The following SLC5A10 variants were observed in gnomAD, a reference collection of about 807,000 sequenced individuals.
SLC5A10 encodes the protein sodium/mannose cotransporter SLC5A10.
In SLC5A10, 55 loss-of-function variants were observed where a neutral mutation model predicts 68.9. That is an observed-to-expected ratio of 0.80 (90% confidence interval 0.64 to 1.00). The LOEUF is 1.00. Among genes scored for constraint, SLC5A10 ranks in the 50% least tolerant of loss-of-function variants. SLC5A10 has a pLI of 0.00. For synonymous variants in SLC5A10, 344 were observed against 344.8 expected, an observed-to-expected ratio of 1.00 and a Z score of 0.02; for missense variants, 732 against 819.3, an observed-to-expected ratio of 0.89 and a Z score of 1.30.
intron 9 of SLC5A10, among the ~76,000 whole-genome samples, chr17:18,994,818 A>T (rs8082572): frequency 0.016 from 2,502 of 152,326 alleles, 64 homozygotes; most frequent in African/African-American, 0.056. Context: ...CAACTACTCA[A>T]ATCTGCTGGT....
At chr17:19,008,191 AT>A (rs898920274) in intron 9 of SLC5A10, among the ~76,000 whole-genome samples, 1 of 152,146 alleles carries the variant, frequency 6.6e-6, no homozygotes, top group Non-Finnish European at 1.5e-5. Context: ...AGGGAATTGC[AT>A]TTTTGGAATA....
intron 3 of SLC5A10, 21 bp from the exon 4 acceptor site, chr17:18,959,583 C>T: frequency 6.2e-7 from 1 of 1,613,206 alleles, no homozygotes; most frequent in Non-Finnish European, 8.5e-7. Context: ...CTGCAGTCCT[C>T]ACCTGTCTCT....
At chr17:18,983,023 G>C (rs1474393351) in intron 9 of SLC5A10, among the ~76,000 whole-genome samples, 2 of 152,250 alleles carry the variant, frequency 1.3e-5, no homozygotes, top group African/African-American at 4.8e-5. Flanking sequence ...TGGAAGTGGC[G>C]CAGTGGGCTG....
intron 1 of SLC5A10, 171 bp downstream of exon 1, chr17:18,952,487 C>A: frequency 2.7e-6 from 2 of 739,400 alleles, no homozygotes; most frequent in East Asian, 5.8e-5. Flanking sequence ...AGACCTTGAC[C>A]AAGCCCGTTT....
chr17:18,994,396 G>A (rs149822990), intron 9 of SLC5A10, among the ~76,000 whole-genome samples: 4 of 152,308 alleles, frequency 2.6e-5, no homozygotes, highest in Non-Finnish European at 5.9e-5. Context: ...CACTCTGAGT[G>A]TAGCAGCTAG....
intron 7 of SLC5A10, 83 bp from the exon 8 acceptor site, chr17:18,970,930 T>A: frequency 2.2e-6 from 3 of 1,349,294 alleles, no homozygotes; most frequent in South Asian, 2.4e-5. Context: ...GGAAGTTTCT[T>A]GTGAGATGAA....
intron 4 of SLC5A10, 69 bp from the exon 5 acceptor site, chr17:18,960,479 G>A: frequency 7.3e-7 from 1 of 1,377,288 alleles, no homozygotes; most frequent in South Asian, 1.3e-5. Context: ...GAGTGATTGA[G>A]ACAGGCCCTG....
intron 5 of SLC5A10, 117 bp downstream of exon 5, chr17:18,960,769 T>C (rs1216350908): frequency 8.6e-6 from 9 of 1,040,782 alleles, no homozygotes; most frequent in South Asian, 2.8e-5. Flanking sequence ...GCTGGGCAAA[T>C]TGAGGCCCAG....
intron 9 of SLC5A10, among the ~76,000 whole-genome samples, chr17:18,999,769 G>A (rs2043680187): frequency 6.6e-6 from 1 of 152,246 alleles, no homozygotes; most frequent in African/African-American, 2.4e-5. Context: ...CTCTGGGTCT[G>A]TTCCCAAGCC....
At position 19,022,295 on chromosome 17, in the gene SLC5A10, GC is replaced by G; in HGVS notation, c.*1866del. On this transcript the variant is annotated 3_prime_UTR_variant, in exon 15 of 15. Transcript: ENST00000395645. ...ACTTTAAGTCCAGATCAATGGTAGT[GC>G]CACCACTGGGCCTCCTGCTGCCCAC... The G allele has an allele frequency of 2.0e-6, 1 of 490,620 alleles. No homozygotes were observed. Among genetic ancestry groups the G allele is most frequent in the Non-Finnish European group, 3.7e-6 (1 of 271,362 alleles). 30.4% of individuals were successfully genotyped at this position (490,620 alleles called of 1,614,324 possible). A position where few individuals can be genotyped will look rare whatever the true frequency, so the allele number is the denominator to read the frequency against.
upstream of SLC5A10, chr17:18,951,623 C>T (rs8068094): frequency 0.036 from 5,534 of 152,532 alleles, 316 homozygotes; most frequent in African/African-American, 0.12. Context: ...AAAGCAGAAA[C>T]GCTGGAAGCA....
At chr17:18,983,386 G>A (rs900820170) in intron 9 of SLC5A10, among the ~76,000 whole-genome samples, 1 of 152,280 alleles carries the variant, frequency 6.6e-6, no homozygotes, top group African/African-American at 2.4e-5. Flanking sequence ...CACCAGGACA[G>A]CCTGTGCTGG....
chr17:18,979,495 A>G (rs1418921602), intron 9 of SLC5A10: 1 of 1,601,714 alleles, frequency 6.2e-7, no homozygotes. Context: ...GGCAGAAGCC[A>G]GTTGGGAGCC....
chr17:18,978,622 C>CAAGG, intron 9 of SLC5A10: 2 of 1,613,146 alleles, frequency 1.2e-6, no homozygotes, highest in Non-Finnish European at 1.7e-6. Context: ...CAAGTGCGTA[C>CAAGG]TTGGGGTTGA....
rs540723595 is a variant in SLC5A10 at position 18,959,522 on chromosome 17, C to T, written c.289-82C>T. On this transcript the variant is annotated intron_variant, in intron 3 of 14. Coordinates refer to ENST00000395645, the MANE Select transcript of SLC5A10 (RefSeq NM_001042450.4). The stretch of plus-strand genomic sequence containing the variant: ...GGGGAAGCCAGGCCTCCGGATGGCT[C>T]ATCCCAGCCATGTCTGCTTTGTCTC... 1.3e-3 allele frequency: 1,973 copies of T among 1,462,816 alleles called. 1 individual carries two copies. The highest frequency in any genetic ancestry group is 1.8e-3 in the Non-Finnish European group (1,856 of 1,049,972). 90.6% of individuals were successfully genotyped at this position (1,462,816 alleles called of 1,614,324 possible).
Position 19,018,032 on chromosome 17 carries a change from C to G in SLC5A10, c.1242-1391C>G. 1 of 152,500 alleles carries G rather than the reference C, an allele frequency of 6.6e-6. No individual in the cohort carries two copies. Among genetic ancestry groups the G allele is most frequent in the Non-Finnish European group, 1.5e-5 (1 of 68,286 alleles). 9.4% of individuals were successfully genotyped at this position (152,500 alleles called of 1,614,324 possible). A position where few individuals can be genotyped will look rare whatever the true frequency, so the allele number is the denominator to read the frequency against. On this transcript the variant is annotated intron_variant, in intron 11 of 14. Transcript: ENST00000395645. The surrounding 1 kb of genome is among the most constrained non-coding windows in gnomAD (Gnocchi z 4.2). ...GTGGGCAGGCGTTAATGGAGGCCCG[C>G]CTGGGCCTTTGATGAGGGCAGCGCC...
chr17:19,010,773 T>A (rs1308742989), intron 9 of SLC5A10, among the ~76,000 whole-genome samples: 2 of 152,204 alleles, frequency 1.3e-5, no homozygotes, highest in Non-Finnish European at 2.9e-5. Context: ...GTCCTCTGAA[T>A]CCTGGACCCC....
intron 14 of SLC5A10, 25 bp from the exon 15 acceptor site, chr17:19,020,300 C>T (rs1181172509): frequency 6.2e-7 from 1 of 1,613,660 alleles, no homozygotes; most frequent in Admixed American, 1.7e-5. Flanking sequence ...TTCATCTGTC[C>T]CTCTCCTTCT....
chr17:19,004,156 T>C lies in SLC5A10; in HGVS notation c.983-9254T>C, dbSNP rs1188047307. On this transcript the variant is annotated intron_variant, in intron 9 of 14. Coordinates refer to ENST00000395645, the MANE Select transcript of SLC5A10 (RefSeq NM_001042450.4). This position sits in a 1 kb window ranked among gnomAD's most constrained non-coding sequence, Gnocchi z 5.4. ...GGCCTCTCCGCGGCCTCTGCTTCTC[T>C]GCCCATGAGCAATCTGCGGGAAAGA... 4 of 873,548 alleles carry C rather than the reference T, an allele frequency of 4.6e-6. No individual in the cohort carries two copies. The highest frequency in any genetic ancestry group is 6.4e-6 in the Non-Finnish European group (4 of 623,376). The allele number at this position is 873,548 out of a possible 1,614,324, so 54.1% of individuals were successfully genotyped here.
Sources: allele counts gnomAD v4.1 joint callset (sites outside exome capture counted in the v4.1 genomes callset), GRCh38; gene constraint gnomAD v4.1.1; non-coding constraint Gnocchi (gnomAD v3.1); transcripts MANE v1.5; gene names NCBI Gene and HGNC (gene_info 2026-07-23, HGNC 2026-07-21).